CLASP1: variants seen among roughly 807,000 people sequenced by gnomAD.
The protein encoded by CLASP1 is CLIP-associating protein 1.
CLASP1 carries 38 observed loss-of-function variants against 192.3 expected under a neutral mutation model. That is an observed-to-expected ratio of 0.20 (90% CI 0.15 to 0.26). The LOEUF (loss-of-function observed/expected upper bound fraction) is 0.26. Among genes scored for constraint, CLASP1 ranks in the 10% least tolerant of loss-of-function variants. The pLI, the probability that CLASP1 is intolerant of heterozygous loss-of-function variation, is 1.00. For missense variants in CLASP1, 1,433 were observed against 1,932.5 expected, an observed-to-expected ratio of 0.74 and a Z score of 4.85; for synonymous variants, 691 against 712.8, an observed-to-expected ratio of 0.97 and a Z score of 0.49.
intron 2 of CLASP1, among the ~76,000 whole-genome samples, chr2:121,556,580 G>A (rs912050055): frequency 1.3e-5 from 2 of 152,118 alleles, no homozygotes; most frequent in African/African-American, 4.8e-5. Flanking sequence ...TCTCCTTCAA[G>A]TCTTTGTTCA....
chr2:121,367,765 C>A, exon 35 of CLASP1: 3 of 1,613,988 alleles, frequency 1.9e-6, no homozygotes, highest in Non-Finnish European at 1.7e-6. Flanking sequence ...GCTGTCCGGC[C>A]TCCTTCTACT....
At chr2:121,367,681 T>C in exon 35 of CLASP1, 1 of 1,614,004 alleles carries the variant, frequency 6.2e-7, no homozygotes, top group Non-Finnish European at 8.5e-7. Flanking sequence ...GGGTACGGGT[T>C]GTAGTCTCGC....
At chr2:121,441,092 C>T (rs370480776) in intron 19 of CLASP1, among the ~76,000 whole-genome samples, 2 of 152,174 alleles carry the variant, frequency 1.3e-5, no homozygotes, top group Admixed American at 6.5e-5. Flanking sequence ...ATTCACCCTG[C>T]GTACCAAGTG....
intron 8 of CLASP1, among the ~76,000 whole-genome samples, chr2:121,473,553 C>T (rs947076310): frequency 6.6e-6 from 1 of 152,038 alleles, no homozygotes; most frequent in Non-Finnish European, 1.5e-5. Flanking sequence ...AGGGGAAGGA[C>T]AGAAAAAGAC....
At chr2:121,530,829 C>A in intron 2 of CLASP1, 3 of 658,256 alleles carry the variant, frequency 4.6e-6, no homozygotes, top group East Asian at 2.7e-5. Flanking sequence ...ATTACCACAA[C>A]CCTACCAGGT....
At chr2:121,604,235 G>T (rs1403245282) in intron 2 of CLASP1, among the ~76,000 whole-genome samples, 1 of 152,170 alleles carries the variant, frequency 6.6e-6, no homozygotes, top group African/African-American at 2.4e-5. Context: ...CAAAATTGTA[G>T]TGACTAGACT....
chr2:121,388,108 T>C (rs1350834256), intron 30 of CLASP1: 5 of 485,924 alleles, frequency 1.0e-5, no homozygotes, highest in Non-Finnish European at 1.8e-5. Flanking sequence ...TCTGGCTTCA[T>C]TTTAATGCCC....
At chr2:121,408,501 C>T (rs2077231381) in intron 24 of CLASP1, among the ~76,000 whole-genome samples, 1 of 152,160 alleles carries the variant, frequency 6.6e-6, no homozygotes, top group Admixed American at 6.5e-5. Context: ...TTGATAAAAA[C>T]AAAACAAATA....
intron 14 of CLASP1, among the ~76,000 whole-genome samples, chr2:121,454,288 TAAG>T (rs1035967991): frequency 3.4e-4 from 51 of 152,118 alleles, no homozygotes; most frequent in African/African-American, 1.2e-3. Context: ...AGTGTCCCTA[TAAG>T]AAGAGATAAC....
chr2:121,547,265 C>T (rs1041494736), intron 2 of CLASP1, among the ~76,000 whole-genome samples: 11 of 152,206 alleles, frequency 7.2e-5, no homozygotes, highest in Non-Finnish European at 1.3e-4. Flanking sequence ...GAAAGCCTCT[C>T]TGCCACTGCC....
chr2:121,454,132 C>T (rs1035150327), intron 14 of CLASP1, among the ~76,000 whole-genome samples: 12 of 152,042 alleles, frequency 7.9e-5, no homozygotes, highest in African/African-American at 2.9e-4. Context: ...TGTTATGAAG[C>T]GAATTTTATC....
chr2:121,623,774 G>A (rs148336708), intron 1 of CLASP1, among the ~76,000 whole-genome samples: 1 of 152,230 alleles, frequency 6.6e-6, no homozygotes, highest in East Asian at 1.9e-4. Context: ...CTTGAACCCA[G>A]GAGGCAAACG....
At chr2:121,483,834 T>C (rs958441478) in intron 8 of CLASP1, among the ~76,000 whole-genome samples, 1 of 152,190 alleles carries the variant, frequency 6.6e-6, no homozygotes, top group Non-Finnish European at 1.5e-5. Context: ...TATAAAGAAT[T>C]AACATAAACC....
chr2:121,463,795 G>T (rs535936584), intron 9 of CLASP1, among the ~76,000 whole-genome samples: 2 of 152,198 alleles, frequency 1.3e-5, no homozygotes, highest in Admixed American at 1.3e-4. Context: ...GAAGGGGTAT[G>T]GACGCGAGAT....
intron 8 of CLASP1, among the ~76,000 whole-genome samples, chr2:121,488,642 C>G (rs1201160295): frequency 1.3e-5 from 2 of 152,232 alleles, no homozygotes; most frequent in Non-Finnish European, 1.5e-5. Flanking sequence ...GCCCTACCTA[C>G]TCCTCATGGG....
At chr2:121,586,802 A>G (rs528577900) in intron 2 of CLASP1, among the ~76,000 whole-genome samples, 33 of 152,322 alleles carry the variant, frequency 2.2e-4, no homozygotes, top group Non-Finnish European at 4.4e-4. Flanking sequence ...TAGTAGCTAC[A>G]CTTAGCCCCC....
intron 19 of CLASP1, among the ~76,000 whole-genome samples, chr2:121,439,676 A>G (rs1315887594): frequency 6.6e-6 from 1 of 151,944 alleles, no homozygotes; most frequent in Admixed American, 6.6e-5. Context: ...AAAGACTTGG[A>G]ACCAACCCAA....
intron 1 of CLASP1, among the ~76,000 whole-genome samples, chr2:121,617,586 G>A (rs2066671151): frequency 6.6e-6 from 1 of 152,206 alleles, no homozygotes; most frequent in East Asian, 1.9e-4. Context: ...ATCCAAGGAA[G>A]ACTTTTCTGT....
chr2:121,475,843 C>T (rs1453873487), intron 8 of CLASP1, among the ~76,000 whole-genome samples: 1 of 152,176 alleles, frequency 6.6e-6, no homozygotes, highest in Non-Finnish European at 1.5e-5. Context: ...GGGAGGGCCA[C>T]TTCTCTCATC....
Sources: allele counts gnomAD v4.1 joint callset (sites outside exome capture counted in the v4.1 genomes callset), GRCh38; gene constraint gnomAD v4.1.1; transcripts MANE v1.5; gene names NCBI Gene and HGNC (gene_info 2026-07-23, HGNC 2026-07-21).